OSBPL9: variants seen among roughly 807,000 people sequenced by gnomAD.
OSBPL9 encodes oxysterol-binding protein-related protein 9.
Under a neutral mutation model 106.6 loss-of-function variants are expected in OSBPL9, and 40 were observed. The observed-to-expected ratio is 0.38, with a 90% CI of 0.29 to 0.49. OSBPL9 has a LOEUF of 0.49. Ranked by LOEUF, OSBPL9 falls within the 20% of genes least tolerant of loss-of-function variation. The pLI, the probability that OSBPL9 is intolerant of heterozygous loss-of-function variation, is 0.97. For missense variants in OSBPL9, 609 were observed against 887.2 expected, an observed-to-expected ratio of 0.69 and a Z score of 3.98; for synonymous variants, 269 against 295.4, an observed-to-expected ratio of 0.91 and a Z score of 0.92.
the OSBPL9 span, among the ~76,000 whole-genome samples, chr1:51,527,779 G>A: frequency 6.6e-6 from 1 of 152,092 alleles, no homozygotes; most frequent in African/African-American, 2.4e-5. Flanking sequence ...TCATTGAAAG[G>A]TTCCCAGGAA....
At chr1:51,718,403 C>T (rs577257416) in intron 4 of OSBPL9, among the ~76,000 whole-genome samples, 5 of 152,042 alleles carry the variant, frequency 3.3e-5, no homozygotes, top group African/African-American at 1.2e-4. Flanking sequence ...TACCTATTTA[C>T]CCTGATGTGA....
chr1:51,669,841 A>G (rs778532872), intron 3 of OSBPL9: 3 of 490,240 alleles, frequency 6.1e-6, no homozygotes, highest in African/African-American at 5.8e-5. Flanking sequence ...ATCAAGGAGT[A>G]TGGTTCTGCT....
chr1:51,614,419 G>GGTA (rs1644010008), upstream of OSBPL9: 1 of 152,068 alleles, frequency 6.6e-6, no homozygotes, highest in Non-Finnish European at 1.5e-5. Context: ...TTCCTGAGTA[G>GGTA]GTAGGACTAC....
chr1:51,653,526 A>C (rs7415684), intron 2 of OSBPL9, among the ~76,000 whole-genome samples: 1 of 152,114 alleles, frequency 6.6e-6, no homozygotes, highest in Non-Finnish European at 1.5e-5. Context: ...TTTGTCAGCT[A>C]TACCTGAAGC....
chr1:51,584,206 C>T (rs533000653), intron 1 of OSBPL9, among the ~76,000 whole-genome samples: 5 of 152,212 alleles, frequency 3.3e-5, no homozygotes, highest in South Asian at 2.1e-4. Context: ...GATTCCAAAA[C>T]GTCATGTTGT....
chr1:51,664,119 T>C (rs1405588694), intron 2 of OSBPL9, among the ~76,000 whole-genome samples: 1 of 152,204 alleles, frequency 6.6e-6, no homozygotes, highest in Non-Finnish European at 1.5e-5. Flanking sequence ...AAATTTACTT[T>C]CCTAGATTTG....
the OSBPL9 span, among the ~76,000 whole-genome samples, chr1:51,547,253 T>C: frequency 1.2e-4 from 19 of 152,174 alleles, no homozygotes; most frequent in Admixed American, 2.0e-4. Flanking sequence ...CTGGTTATCA[T>C]ATGGAGAGGA....
intron 3 of OSBPL9, 188 bp downstream of exon 3, chr1:51,669,700 G>A (rs1340773997): frequency 1.3e-5 from 7 of 551,662 alleles, no homozygotes; most frequent in Middle Eastern, 2.8e-4. Context: ...GATGTAGATC[G>A]ATTTGAAACG....
intron 1 of OSBPL9, among the ~76,000 whole-genome samples, chr1:51,634,516 C>T (rs1044281480): frequency 1.3e-5 from 2 of 152,120 alleles, no homozygotes; most frequent in Admixed American, 6.5e-5. Context: ...TTGACAGTCG[C>T]CAGATTAACA....
chr1:51,645,570 C>T (rs180690825), intron 1 of OSBPL9, among the ~76,000 whole-genome samples: 4 of 152,062 alleles, frequency 2.6e-5, no homozygotes, highest in Non-Finnish European at 4.4e-5. Flanking sequence ...CCTCAAACTC[C>T]TGGGCTCAAG....
intron 8 of OSBPL9, among the ~76,000 whole-genome samples, chr1:51,755,856 A>G (rs571368342): frequency 1.3e-5 from 2 of 152,098 alleles, no homozygotes; most frequent in East Asian, 1.9e-4. Context: ...ACAGCCTCCT[A>G]CTCTTCACCC....
At chr1:51,710,383 G>A (rs905025435) in intron 3 of OSBPL9, among the ~76,000 whole-genome samples, 7 of 152,122 alleles carry the variant, frequency 4.6e-5, no homozygotes, top group Non-Finnish European at 1.0e-4. Context: ...GACACTGAGA[G>A]CCAGAAAAAA....
At chr1:51,712,970 A>G (rs1345637189) in intron 3 of OSBPL9, among the ~76,000 whole-genome samples, 2 of 152,178 alleles carry the variant, frequency 1.3e-5, no homozygotes, top group African/African-American at 4.8e-5. Context: ...TGGGCCACCC[A>G]TATGACCAAG....
At chr1:51,704,038 C>T (rs1428992208) in intron 3 of OSBPL9, among the ~76,000 whole-genome samples, 2 of 152,124 alleles carry the variant, frequency 1.3e-5, no homozygotes, top group Non-Finnish European at 2.9e-5. Flanking sequence ...TTCAGTTTGC[C>T]AGTATTTTAT....
intron 16 of OSBPL9, 75 bp from the exon 17 acceptor site, chr1:51,782,484 C>A (rs897938136): frequency 3.5e-6 from 4 of 1,155,862 alleles, no homozygotes; most frequent in Non-Finnish European, 4.9e-6. Context: ...CGAGCAGAGA[C>A]CCCAATTACC....
chr1:51,707,486 T>C, intron 3 of OSBPL9: 1 of 184,840 alleles, frequency 5.4e-6, no homozygotes. Context: ...GGGATGACCT[T>C]GCCTACAACC....
chr1:51,779,787 TA>T (rs775439297), intron 15 of OSBPL9, among the ~76,000 whole-genome samples: 3 of 151,870 alleles, frequency 2.0e-5, no homozygotes, highest in Non-Finnish European at 2.9e-5. Context: ...GATAATAAAA[TA>T]AATGGTTGGC....
chr1:51,561,768 C>T, the OSBPL9 span: 1 of 152,200 alleles, frequency 6.6e-6, no homozygotes, highest in Non-Finnish European at 1.5e-5. Flanking sequence ...AAAAGATCAG[C>T]AGTCTGAGGC....
intron 11 of OSBPL9, 34 bp downstream of exon 11, chr1:51,762,005 A>T: frequency 6.9e-7 from 1 of 1,446,464 alleles, no homozygotes; most frequent in Non-Finnish European, 9.7e-7. Flanking sequence ...ATGTCTCATA[A>T]CTCTATTAAC....
Sources: allele counts gnomAD v4.1 joint callset (sites outside exome capture counted in the v4.1 genomes callset), GRCh38; gene constraint gnomAD v4.1.1; transcripts MANE v1.5; gene names NCBI Gene and HGNC (gene_info 2026-07-23, HGNC 2026-07-21).